Variants in CALM3 observed in about 807,000 individuals in gnomAD.
CALM3 encodes calmodulin 3.
In CALM3, 5 loss-of-function variants were observed where a neutral mutation model predicts 20.1. The ratio of observed to expected loss-of-function variants is 0.25; its 90% CI spans 0.13 to 0.52. The LOEUF (loss-of-function observed/expected upper bound fraction) is 0.52. Among genes scored for constraint, CALM3 ranks in the 20% least tolerant of loss-of-function variants. CALM3 has a pLI of 0.96. For missense variants in CALM3, 57 were observed against 192.8 expected, an observed-to-expected ratio of 0.30 and a Z score of 4.17; for synonymous variants, 69 against 68.1, an observed-to-expected ratio of 1.01 and a Z score of -0.06.
At position 46,610,187 on chromosome 19, in the gene CALM3, T is replaced by C. The variant is rs1280586122; in HGVS notation, c.*1034T>C. The C allele has an allele frequency of 6.6e-6, 1 of 152,648 alleles. No individual in the cohort carries two copies. The highest frequency in any genetic ancestry group is 1.5e-5 in the Non-Finnish European group (1 of 68,070). The allele number at this position is 152,648 out of a possible 1,614,324, so 9.5% of individuals were successfully genotyped here. A position where few individuals can be genotyped will look rare whatever the true frequency, so the allele number is the denominator to read the frequency against. On this transcript the variant is annotated 3_prime_UTR_variant, in exon 6 of 6. Coordinates refer to ENST00000291295, the MANE Select transcript of CALM3 (RefSeq NM_005184.4). ...CAATAAAACAGTCTTGTCGGCCAGC[T>C]GCCCAGGGGACGGCAGCTACAGCAG...
Position 46,609,115 on chromosome 19 carries a change from C to T in CALM3, c.422-10C>T. On this transcript the variant is annotated splice_polypyrimidine_tract_variant and intron_variant, in intron 5 of 5. Transcript: ENST00000291295. The stretch of plus-strand genomic sequence containing the variant: ...CGCCTGACCTCCTCTCTCTCTGCTT[C>T]ACTCCACAGAGTTTGTACAGATGAT... 1 of 1,614,128 alleles carries T rather than the reference C, an allele frequency of 6.2e-7. No homozygotes were observed. Among genetic ancestry groups the T allele is most frequent in the Non-Finnish European group, 8.5e-7 (1 of 1,180,016 alleles).
intron 5 of CALM3, 53 bp from the exon 6 acceptor site, chr19:46,609,072 C>A: frequency 6.2e-7 from 1 of 1,613,614 alleles, no homozygotes; most frequent in South Asian, 1.1e-5. Flanking sequence ...GGGAGGGCCG[C>A]TCGCCACTTA....
chr19:46,608,797 T>C lies in CALM3; in HGVS notation c.286-49T>C. On this transcript the variant is annotated intron_variant, in intron 4 of 5. Transcript: ENST00000291295. The surrounding 1 kb of genome is among the most constrained non-coding windows in gnomAD (Gnocchi z 5.5). ...ACAGCCACCCCTCTCACTGCCTCTC[T>C]CCCCACCGGGAGAAGTGCCCAGTGA... 6.5e-7 allele frequency: 1 copy of C among 1,527,084 alleles called. No homozygotes were observed. Among genetic ancestry groups the C allele is most frequent in the Non-Finnish European group, 8.8e-7 (1 of 1,136,986 alleles). 94.6% of individuals were successfully genotyped at this position (1,527,084 alleles called of 1,614,324 possible).
In CALM3 at chr19:46,605,811, CT is replaced by C; in HGVS notation, c.4-14del. ...GTCCGGCCTGGTGACTGACTTTCCCCTTCATGCTTTTACAGGCTGACCAGCT... is the reference window on the plus strand; with the variant it reads ...GTCCGGCCTGGTGACTGACTTTCCCCTCATGCTTTTACAGGCTGACCAGCT... On this transcript the variant is annotated splice_polypyrimidine_tract_variant and intron_variant, in intron 1 of 5. Coordinates refer to ENST00000291295, the MANE Select transcript of CALM3 (RefSeq NM_005184.4). This position sits in a 1 kb window ranked among gnomAD's most constrained non-coding sequence, Gnocchi z 4.1. The C allele has an allele frequency of 6.2e-7, 1 of 1,614,032 alleles. No individual in the cohort carries two copies. Among genetic ancestry groups the C allele is most frequent in the Non-Finnish European group, 8.5e-7 (1 of 1,179,888 alleles).
Position 46,609,329 on chromosome 19 carries a change from T to G in CALM3, c.*176T>G. ...AAGCTGCATGATTGCTCTTTCTCCT[T>G]CTTCCCTGAGTCTCTCTCCATGCCC... is the stretch of plus-strand genomic sequence containing the variant. On this transcript the variant is annotated 3_prime_UTR_variant, in exon 6 of 6. Coordinates refer to ENST00000291295, the MANE Select transcript of CALM3 (RefSeq NM_005184.4). The G allele has an allele frequency of 1.5e-6, 1 of 671,254 alleles. No homozygotes were observed. Among genetic ancestry groups the G allele is most frequent in the Non-Finnish European group, 2.6e-6 (1 of 378,638 alleles). The allele number at this position is 671,254 out of a possible 1,614,324, so 41.6% of individuals were successfully genotyped here.
chr19:46,601,573 G>T lies in CALM3; in HGVS notation c.3+136G>T. On this transcript the variant is annotated intron_variant, in intron 1 of 5. Transcript: ENST00000291295. This position sits in a 1 kb window ranked among gnomAD's most constrained non-coding sequence, Gnocchi z 4.2. ...AGAGCCTCGGGACCCTTTTCTACCC[G>T]CGTTGTCGGGGGCTGTTGAACCCAG... 2 of 829,682 alleles carry T rather than the reference G, an allele frequency of 2.4e-6. No individual in the cohort carries two copies. The highest frequency in any genetic ancestry group is 3.4e-6 in the Non-Finnish European group (2 of 594,040). The allele number at this position is 829,682 out of a possible 1,614,324, so 51.4% of individuals were successfully genotyped here. A position where few individuals can be genotyped will look rare whatever the true frequency, so the allele number is the denominator to read the frequency against.
chr19:46,601,490 GGGGCAGGA>G lies in CALM3; in HGVS notation c.3+54_3+61del. On this transcript the variant is annotated intron_variant, in intron 1 of 5. Transcript: ENST00000291295. The surrounding 1 kb of genome is among the most constrained non-coding windows in gnomAD (Gnocchi z 4.2). ...CTGCGGGCTCTGAGGCGGGCTTAAC[GGGGCAGGA>G]CCCCTGAGGGGGCGACAGAGCCCAG... 1 of 1,411,864 alleles carries G rather than the reference GGGGCAGGA, an allele frequency of 7.1e-7. No homozygotes were observed. The highest frequency in any genetic ancestry group is 9.3e-7 in the Non-Finnish European group (1 of 1,075,724). The allele number at this position is 1,411,864 out of a possible 1,614,324, so 87.5% of individuals were successfully genotyped here.
Position 46,609,150 on chromosome 19 carries a change from G to A in CALM3, c.447G>A (p.Lys149=), listed in dbSNP as rs746647108. ...YEEFVQMMTA[K] ...AGTTTGTACAGATGATGACTGCAAAGTGAAGGCCCCCCGGGCAGCTGGCGA... is the reference window on the plus strand; with the variant it reads ...AGTTTGTACAGATGATGACTGCAAAATGAAGGCCCCCCGGGCAGCTGGCGA... The change falls in exon 6 of 6, where the codon AAG becomes AAA. Residue 149 remains lysine (K), a synonymous_variant. Transcript: ENST00000291295. 1.2e-6 allele frequency: 2 copies of A among 1,613,960 alleles called. No homozygotes were observed. The highest frequency in any genetic ancestry group is 2.7e-5 in the African/African-American group (2 of 74,910).
Position 46,609,600 on chromosome 19 carries a change from G to A in CALM3, c.*447G>A, listed in dbSNP as rs540494480. On this transcript the variant is annotated 3_prime_UTR_variant, in exon 6 of 6. Transcript: ENST00000291295. ...GGCCCTCCCCCAGGCAGAAGAGCATGCCCTTTGCCGTTGCATGCAACCAGC... is the reference window on the plus strand; with the variant it reads ...GGCCCTCCCCCAGGCAGAAGAGCATACCCTTTGCCGTTGCATGCAACCAGC... The A allele has an allele frequency of 1.2e-4, 21 of 177,532 alleles. No homozygotes were observed. The highest frequency in any genetic ancestry group is 2.4e-4 in the Non-Finnish European group (20 of 84,238). The allele number at this position is 177,532 out of a possible 1,614,324, so 11.0% of individuals were successfully genotyped here.
chr19:46,601,210 C>T, upstream of CALM3: 1 of 312,754 alleles, frequency 3.2e-6, no homozygotes, highest in Non-Finnish European at 5.4e-6. This position sits in a 1 kb window ranked among gnomAD's most constrained non-coding sequence, Gnocchi z 4.2. Flanking sequence ...TCCGTGGGAG[C>T]CGCAGTGCGG....
rs562552565 is a variant in CALM3 at position 46,609,967 on chromosome 19, A to C, written c.*814A>C. On this transcript the variant is annotated 3_prime_UTR_variant, in exon 6 of 6. Coordinates refer to ENST00000291295, the MANE Select transcript of CALM3 (RefSeq NM_005184.4). ...CATCCCATGCCGCTCCCTCCTCACG[A>C]TGCACCCACCGCCCTGAGGGCCCGT... The C allele has an allele frequency of 6.5e-6, 1 of 152,684 alleles. No homozygotes were observed. Among genetic ancestry groups the C allele is most frequent in the South Asian group, 2.1e-4 (1 of 4,818 alleles). The allele number at this position is 152,684 out of a possible 1,614,324, so 9.5% of individuals were successfully genotyped here.
intron 5 of CALM3, 39 bp downstream of exon 5, chr19:46,609,020 G>T (rs1971808821): frequency 1.2e-6 from 2 of 1,607,572 alleles, no homozygotes; most frequent in Admixed American, 1.7e-5. Context: ...AACAAGAAGA[G>T]AATCGCAGCT....
At position 46,608,775 on chromosome 19, in the gene CALM3, G is replaced by T. The variant is rs970232715; in HGVS notation, c.286-71G>T. On this transcript the variant is annotated intron_variant, in intron 4 of 5. Coordinates refer to ENST00000291295, the MANE Select transcript of CALM3 (RefSeq NM_005184.4). This position sits in a 1 kb window ranked among gnomAD's most constrained non-coding sequence, Gnocchi z 5.5. ...TCACTGCTGAGGGATGGTGATGACAGCCACCCCTCTCACTGCCTCTCTCCC... is the reference window on the plus strand; with the variant it reads ...TCACTGCTGAGGGATGGTGATGACATCCACCCCTCTCACTGCCTCTCTCCC... The T allele has an allele frequency of 1.4e-6, 2 of 1,469,260 alleles. No homozygotes were observed. 91.0% of individuals were successfully genotyped at this position (1,469,260 alleles called of 1,614,324 possible).
chr19:46,609,057 T>C, intron 5 of CALM3, 68 bp from the exon 6 acceptor site: 1 of 1,612,866 alleles, frequency 6.2e-7, no homozygotes, highest in Non-Finnish European at 8.5e-7. Flanking sequence ...AGATCCCTCT[T>C]GTTGGGGAGG....
At position 46,605,899 on chromosome 19, in the gene CALM3, C is replaced by T; in HGVS notation, c.34+42C>T. On this transcript the variant is annotated intron_variant, in intron 2 of 5. Coordinates refer to ENST00000291295, the MANE Select transcript of CALM3 (RefSeq NM_005184.4). This position sits in a 1 kb window ranked among gnomAD's most constrained non-coding sequence, Gnocchi z 4.1. ...CCTCATCTTAGCTCAGGAAAGCCTC[C>T]ACATCCCCAGCCAAATCTTAGCCAC... is the stretch of plus-strand genomic sequence containing the variant. 6.2e-7 allele frequency: 1 copy of T among 1,600,556 alleles called. No individual in the cohort carries two copies. Among genetic ancestry groups the T allele is most frequent in the Non-Finnish European group, 8.6e-7 (1 of 1,167,878 alleles).
chr19:46,610,663 G>A lies in CALM3; in HGVS notation c.*1510G>A, dbSNP rs1971866381. On this transcript the variant is annotated 3_prime_UTR_variant, in exon 6 of 6. Transcript: ENST00000291295. ...GGTAAGGGCAGGTAGGCGTGAGGCT[G>A]TGGACATTTTCGGAATGTTTTGGTT... is the stretch of plus-strand genomic sequence containing the variant. 1 of 152,688 alleles carries A rather than the reference G, an allele frequency of 6.5e-6. No individual in the cohort carries two copies. The highest frequency in any genetic ancestry group is 6.5e-5 in the Admixed American group (1 of 15,280). The allele number at this position is 152,688 out of a possible 1,614,324, so 9.5% of individuals were successfully genotyped here. A position where few individuals can be genotyped will look rare whatever the true frequency, so the allele number is the denominator to read the frequency against.
In CALM3 at chr19:46,609,208, G is replaced by A. The variant is rs1280834750; in HGVS notation, c.*55G>A. The A allele has an allele frequency of 1.7e-5, 27 of 1,564,146 alleles. No individual in the cohort carries two copies. Among genetic ancestry groups the A allele is most frequent in the African/African-American group, 4.1e-5 (3 of 73,736 alleles). ...TCTCTTGATCTCTCTCTTCTCGCGC[G>A]CGCACTCTCTCTTCAACACTCCCCT... On this transcript the variant is annotated 3_prime_UTR_variant, in exon 6 of 6. Coordinates refer to ENST00000291295, the MANE Select transcript of CALM3 (RefSeq NM_005184.4).
rs1240747630 is a variant in CALM3, at chr19:46,605,492, C to T, written c.4-335C>T. ...CCTGTGCCAGGCCTCACCAGCGCTG[C>T]TGGTTTGGGGCTGGGGCAGGCTTTT... On this transcript the variant is annotated intron_variant, in intron 1 of 5. Transcript: ENST00000291295. This position sits in a 1 kb window ranked among gnomAD's most constrained non-coding sequence, Gnocchi z 4.1. Among the ~76,000 whole-genome samples, 1 of 152,228 alleles carries T rather than the reference C, an allele frequency of 6.6e-6. No individual in the cohort carries two copies. Among genetic ancestry groups the T allele is most frequent in the Non-Finnish European group, 1.5e-5 (1 of 68,042 alleles).
At chr19:46,601,107 A>AGC (rs1427411058), upstream of CALM3, 2 of 893,126 alleles carry the variant, frequency 2.2e-6, no homozygotes, top group South Asian at 1.7e-5. The surrounding 1 kb of genome is among the most constrained non-coding windows in gnomAD (Gnocchi z 4.2). Context: ...GACGGGAGCG[A>AGC]GCGCGCGCGC....
Sources: allele counts gnomAD v4.1 joint callset (sites outside exome capture counted in the v4.1 genomes callset), GRCh38; gene constraint gnomAD v4.1.1; non-coding constraint Gnocchi (gnomAD v3.1); transcripts MANE v1.5; gene names NCBI Gene and HGNC (gene_info 2026-07-23, HGNC 2026-07-21).